The following TMEM87B variants were observed in gnomAD, a reference collection of about 807,000 sequenced individuals.
TMEM87B encodes transmembrane protein 87B.
In TMEM87B, 83 loss-of-function variants were observed where a neutral mutation model predicts 80.3. That is an observed-to-expected ratio of 1.03 (90% CI 0.87 to 1.24). The LOEUF is 1.24. Among genes scored for constraint, TMEM87B ranks in the 50% most tolerant of loss-of-function variants. The probability of loss-of-function intolerance (pLI) is 0.00; values close to 1 mark genes in which losing one functional copy is unlikely to be tolerated. For missense variants in TMEM87B, 625 were observed against 674.4 expected, an observed-to-expected ratio of 0.93 and a Z score of 0.81; for synonymous variants, 219 against 230.5, an observed-to-expected ratio of 0.95 and a Z score of 0.45.
At chr2:112,077,162 A>C (rs1247148390) in intron 5 of TMEM87B, 30 bp from the exon 6 acceptor site, 2 of 1,308,734 alleles carry the variant, frequency 1.5e-6, no homozygotes, top group Non-Finnish European at 2.1e-6. Context: ...TGTTAAAAAT[A>C]ATGAAGAATT....
chr2:112,064,634 A>T (rs573420814), intron 3 of TMEM87B, among the ~76,000 whole-genome samples: 14 of 152,340 alleles, frequency 9.2e-5, no homozygotes, highest in Admixed American at 9.1e-4. Context: ...TCGCAGAAAG[A>T]GGTGAGGAGA....
intron 17 of TMEM87B, among the ~76,000 whole-genome samples, chr2:112,111,748 A>G (rs1679924245): frequency 6.6e-6 from 1 of 152,234 alleles, no homozygotes; most frequent in South Asian, 2.1e-4. Flanking sequence ...ACAGATCATG[A>G]ATAACCACAT....
Position 112,055,355 on chromosome 2 carries a change from C to A in TMEM87B, c.-237C>A. ...CTGGCTCCTATCTCTGCCTTCCAGG[C>A]ATCTCCCAGCTGCACGCTCGGGCCC... On this transcript the variant is annotated 5_prime_UTR_variant, in exon 1 of 19. Transcript: ENST00000283206. 2.0e-6 allele frequency: 1 copy of A among 512,666 alleles called. No individual in the cohort carries two copies. The allele number at this position is 512,666 out of a possible 1,614,324, so 31.8% of individuals were successfully genotyped here.
chr2:112,083,709 G>C (rs1208632568), intron 8 of TMEM87B, among the ~76,000 whole-genome samples: 2 of 152,220 alleles, frequency 1.3e-5, no homozygotes, highest in Admixed American at 6.5e-5. Flanking sequence ...CATTGAGCTA[G>C]GAGGCTTTGA....
At chr2:112,061,662 A>G (rs1678262531) in intron 2 of TMEM87B, among the ~76,000 whole-genome samples, 1 of 152,242 alleles carries the variant, frequency 6.6e-6, no homozygotes, top group Non-Finnish European at 1.5e-5. Flanking sequence ...ATATGGAAAA[A>G]AAAGTAACGT....
At position 112,081,335 on chromosome 2, in the gene TMEM87B, T is replaced by G. The variant is rs759169505; in HGVS notation, c.655T>G (p.Phe219Val). 6.3e-7 allele frequency: 1 copy of G among 1,591,676 alleles called. No homozygotes were observed. Among genetic ancestry groups the G allele is most frequent in the African/African-American group, 1.4e-5 (1 of 73,498 alleles). ...ISASDWPLMI[F>V]YMVMCIVYIL... ...ACTAAAATTGCTTCTCTTCCTACAGTTTTACATGGTGATGTGTATTGTTTA... is the reference window on the plus strand; with the variant it reads ...ACTAAAATTGCTTCTCTTCCTACAGGTTTACATGGTGATGTGTATTGTTTA... Residue 219 changes from phenylalanine to valine, a missense_variant and splice_region_variant, in exon 8 of 19, where the codon TTT becomes GTT. Coordinates refer to ENST00000283206, the MANE Select transcript of TMEM87B (RefSeq NM_032824.3).
intron 3 of TMEM87B, 83 bp downstream of exon 3, chr2:112,064,336 G>A (rs146035993): frequency 1.7e-6 from 2 of 1,162,204 alleles, no homozygotes; most frequent in Non-Finnish European, 2.5e-6. Context: ...AAGCGAGGAG[G>A]CTAGAAATAG....
At chr2:112,099,555 T>TATATATATATATAC (rs1019425429) in intron 14 of TMEM87B, among the ~76,000 whole-genome samples, 87 of 73,530 alleles carry the variant, frequency 1.2e-3, no homozygotes, top group African/African-American at 4.1e-3. Flanking sequence ...TATATATATA[T>TATATATATATATAC]ACACACACAC....
chr2:112,069,057 TG>T (rs1678534144), intron 4 of TMEM87B, among the ~76,000 whole-genome samples: 1 of 151,400 alleles, frequency 6.6e-6, no homozygotes, highest in Non-Finnish European at 1.5e-5. Context: ...CCGGGCGCGG[TG>T]GCGGGCGCCT....
chr2:112,112,882 T>C lies in TMEM87B; in HGVS notation c.1578-17T>C. 6.2e-7 allele frequency: 1 copy of C among 1,612,098 alleles called. No individual in the cohort carries two copies. The highest frequency in any genetic ancestry group is 8.5e-7 in the Non-Finnish European group (1 of 1,178,776). On this transcript the variant is annotated splice_polypyrimidine_tract_variant and intron_variant, in intron 17 of 18. Coordinates refer to ENST00000283206, the MANE Select transcript of TMEM87B (RefSeq NM_032824.3). ...ACTGTTAACAACATTATCACCTTTTTTTCCCTTTTATTTCAGAGCTCTTCC... is the reference window on the plus strand; with the variant it reads ...ACTGTTAACAACATTATCACCTTTTCTTCCCTTTTATTTCAGAGCTCTTCC...
intron 10 of TMEM87B, among the ~76,000 whole-genome samples, chr2:112,089,941 A>G (rs565964794): frequency 1.1e-4 from 17 of 152,360 alleles, no homozygotes; most frequent in Admixed American, 5.9e-4. Flanking sequence ...ACCGCTTGAT[A>G]TCATCCCAGG....
chr2:112,100,640 A>G lies in TMEM87B; in HGVS notation c.1395A>G (p.Leu465=), dbSNP rs1396631432. Residue 465 remains leucine, a synonymous_variant, in exon 15 of 19, where the codon TTA becomes TTG. Coordinates refer to ENST00000283206, the MANE Select transcript of TMEM87B (RefSeq NM_032824.3). The part of the protein sequence containing the change: ...ANNQRYAFMP[L]IDDSDDEIEE... ...GCTATAGATATGCCTTCATGCCCTT[A>G]ATAGATGATTCTGATGATGAAATTG... 6 of 1,609,980 alleles carry G rather than the reference A, an allele frequency of 3.7e-6. No homozygotes were observed. The highest frequency in any genetic ancestry group is 5.1e-6 in the Non-Finnish European group (6 of 1,177,230).
chr2:112,070,882 C>T (rs76343822), intron 4 of TMEM87B, among the ~76,000 whole-genome samples: 28,947 of 150,312 alleles, frequency 0.19, 2,968 homozygotes, highest in East Asian at 0.28. Flanking sequence ...AGTGTAGTGG[C>T]GCAGTCTCCA....
intron 9 of TMEM87B, among the ~76,000 whole-genome samples, chr2:112,088,176 T>G (rs1194461031): frequency 1.3e-5 from 2 of 152,236 alleles, no homozygotes; most frequent in African/African-American, 4.8e-5. Flanking sequence ...TATTGGAGAT[T>G]CTTTCTCAAA....
chr2:112,085,323 C>T (rs967362199), intron 8 of TMEM87B, among the ~76,000 whole-genome samples: 4 of 152,244 alleles, frequency 2.6e-5, no homozygotes, highest in Non-Finnish European at 5.9e-5. Flanking sequence ...TGTGCCTTTG[C>T]ACGTGCCGTG....
At chr2:112,109,664 C>CTT (rs561752709) in intron 17 of TMEM87B, among the ~76,000 whole-genome samples, 655 of 46,346 alleles carry the variant, frequency 0.014, 36 homozygotes, top group African/African-American at 0.035. Context: ...TAAGTATGGT[C>CTT]TTTTTTTTTT....
intron 3 of TMEM87B, among the ~76,000 whole-genome samples, chr2:112,066,680 G>C (rs1206217757): frequency 6.6e-6 from 1 of 152,114 alleles, no homozygotes; most frequent in Non-Finnish European, 1.5e-5. Context: ...ATCTTAGTCA[G>C]TTTTCTTATT....
At chr2:112,111,273 C>T (rs183754391) in intron 17 of TMEM87B, among the ~76,000 whole-genome samples, 53 of 152,232 alleles carry the variant, frequency 3.5e-4, no homozygotes, top group African/African-American at 1.3e-3. Context: ...TTTGGAAACT[C>T]ATAACTAAGC....
chr2:112,073,533 A>G (rs1454507136), intron 4 of TMEM87B, among the ~76,000 whole-genome samples: 1 of 152,150 alleles, frequency 6.6e-6, no homozygotes, highest in Non-Finnish European at 1.5e-5. Flanking sequence ...GGCTGATTTT[A>G]GAGTATGTGC....
Sources: allele counts gnomAD v4.1 joint callset (sites outside exome capture counted in the v4.1 genomes callset), GRCh38; gene constraint gnomAD v4.1.1; transcripts MANE v1.5; gene names NCBI Gene and HGNC (gene_info 2026-07-23, HGNC 2026-07-21).